POLR3B: variants seen among roughly 807,000 people sequenced by gnomAD.
POLR3B encodes the protein DNA-directed RNA polymerase III subunit RPC2.
A neutral mutation model predicts 147.4 loss-of-function variants in POLR3B; 96 were observed. The ratio of observed to expected loss-of-function variants is 0.65; its 90% confidence interval spans 0.55 to 0.77. The LOEUF (loss-of-function observed/expected upper bound fraction) is 0.77. Among genes scored for constraint, POLR3B ranks in the 30% least tolerant of loss-of-function variants. The pLI is 0.00. For missense variants in POLR3B, 1,036 were observed against 1,413.5 expected, an observed-to-expected ratio of 0.73 and a Z score of 4.28; for synonymous variants, 461 against 485.9, an observed-to-expected ratio of 0.95 and a Z score of 0.67.
At chr12:106,497,401 GC>G (rs568297057) in intron 25 of POLR3B, among the ~76,000 whole-genome samples, 18 of 152,056 alleles carry the variant, frequency 1.2e-4, no homozygotes, top group Non-Finnish European at 2.5e-4. Flanking sequence ...TTTTTGGTAG[GC>G]CAAAGCTGGT....
chr12:106,465,824 A>C (rs1026979316), intron 23 of POLR3B, among the ~76,000 whole-genome samples: 1 of 152,166 alleles, frequency 6.6e-6, no homozygotes, highest in Non-Finnish European at 1.5e-5. Flanking sequence ...AGTATTCCAT[A>C]CTGTATATGT....
At chr12:106,426,686 A>C (rs1340706793) in intron 12 of POLR3B, among the ~76,000 whole-genome samples, 1 of 152,178 alleles carries the variant, frequency 6.6e-6, no homozygotes, top group Non-Finnish European at 1.5e-5. Flanking sequence ...CTCCTGCAGC[A>C]GGTATAACTA....
intron 25 of POLR3B, among the ~76,000 whole-genome samples, chr12:106,498,691 T>G (rs2038542406): frequency 1.3e-5 from 2 of 151,532 alleles, no homozygotes; most frequent in Non-Finnish European, 2.9e-5. Context: ...GTTCAAGCAA[T>G]TCTCCTGCCT....
chr12:106,400,473 A>T (rs533326740), intron 10 of POLR3B, among the ~76,000 whole-genome samples: 3 of 152,218 alleles, frequency 2.0e-5, no homozygotes, highest in Non-Finnish European at 4.4e-5. Context: ...CACCAAGTGG[A>T]CCTAATAGAC....
At chr12:106,425,352 T>A (rs1291753337) in intron 12 of POLR3B, among the ~76,000 whole-genome samples, 1 of 152,176 alleles carries the variant, frequency 6.6e-6, no homozygotes, top group Non-Finnish European at 1.5e-5. Context: ...TTTCCTGGAA[T>A]CAGAGGATTT....
intron 19 of POLR3B, among the ~76,000 whole-genome samples, chr12:106,446,903 A>G (rs943569686): frequency 1.3e-5 from 2 of 152,172 alleles, no homozygotes; most frequent in African/African-American, 4.8e-5. Flanking sequence ...GTCTGCTTGA[A>G]AAATGACAAA....
At chr12:106,402,816 G>C (rs28826960) in intron 10 of POLR3B, among the ~76,000 whole-genome samples, 1 of 151,926 alleles carries the variant, frequency 6.6e-6, no homozygotes, top group East Asian at 1.9e-4. Context: ...ATTCCAGATG[G>C]ATTAAAGACT....
intron 10 of POLR3B, among the ~76,000 whole-genome samples, chr12:106,404,329 G>A (rs1471912969): frequency 1.3e-5 from 2 of 152,042 alleles, no homozygotes; most frequent in Non-Finnish European, 2.9e-5. Flanking sequence ...CTTACTTCAG[G>A]TGATCTGCCC....
At chr12:106,434,803 A>G (rs1193960143) in intron 16 of POLR3B, among the ~76,000 whole-genome samples, 1 of 152,108 alleles carries the variant, frequency 6.6e-6, no homozygotes, top group Non-Finnish European at 1.5e-5. Flanking sequence ...CCTCCTTCAT[A>G]TGACACTACC....
rs369576112 is a variant in POLR3B at position 106,509,412 on chromosome 12, C to T, written c.3273-8C>T. 3.7e-5 allele frequency: 59 copies of T among 1,613,372 alleles called. No homozygotes were observed. Among genetic ancestry groups the T allele is most frequent in the African/African-American group, 2.1e-4 (16 of 75,012 alleles). On this transcript the variant is annotated splice_polypyrimidine_tract_variant and splice_region_variant and intron_variant, in intron 27 of 27. Transcript: ENST00000228347. The stretch of plus-strand genomic sequence containing the variant: ...TGTCTGTCTAACGCTTGCTGACTTG[C>T]GTTTCAGGTGCCATTACTGCAAGTC...
intron 23 of POLR3B, among the ~76,000 whole-genome samples, chr12:106,484,712 C>T (rs1029471106): frequency 6.6e-5 from 10 of 151,276 alleles, no homozygotes; most frequent in African/African-American, 1.9e-4. Context: ...CTTTAGATTA[C>T]GATCAGGAAC....
intron 12 of POLR3B, among the ~76,000 whole-genome samples, chr12:106,422,214 T>C (rs960480218): frequency 6.6e-6 from 1 of 152,128 alleles, no homozygotes; most frequent in African/African-American, 2.4e-5. Context: ...ATCCTCCTAG[T>C]GCCATTTTCT....
At chr12:106,472,233 G>T (rs1162233273) in intron 23 of POLR3B, among the ~76,000 whole-genome samples, 253 of 147,620 alleles carry the variant, frequency 1.7e-3, no homozygotes, top group African/African-American at 6.1e-3. Flanking sequence ...TGGTGTATAT[G>T]TGCCACATTT....
At chr12:106,457,319 A>C in intron 21 of POLR3B, 23 bp downstream of exon 21, 2 of 1,586,502 alleles carry the variant, frequency 1.3e-6, no homozygotes, top group Non-Finnish European at 1.7e-6. Context: ...TAAAAGAAAA[A>C]ATTTTAATAC....
intron 23 of POLR3B, among the ~76,000 whole-genome samples, chr12:106,471,611 C>T (rs546084631): frequency 2.4e-4 from 36 of 152,160 alleles, no homozygotes; most frequent in South Asian, 4.2e-4. Context: ...CAGTCAGTCT[C>T]CACTAAACTT....
At chr12:106,454,083 A>T (rs1046844761) in intron 19 of POLR3B, among the ~76,000 whole-genome samples, 1 of 152,028 alleles carries the variant, frequency 6.6e-6, no homozygotes, top group African/African-American at 2.4e-5. Context: ...TTTTTATGGA[A>T]TATACCTGTT....
intron 10 of POLR3B, 134 bp from the exon 11 acceptor site, chr12:106,405,723 C>A (rs1393074834): frequency 7.3e-6 from 6 of 819,822 alleles, no homozygotes; most frequent in Non-Finnish European, 1.0e-5. Flanking sequence ...CGTTGATTTT[C>A]AACTAGACCC....
At position 106,504,362 on chromosome 12, in the gene POLR3B, T is replaced by A. The variant is rs1363987882; in HGVS notation, c.3272+108T>A. The A allele has an allele frequency of 1.1e-6, 1 of 884,914 alleles. No individual in the cohort carries two copies. Among genetic ancestry groups the A allele is most frequent in the Non-Finnish European group, 1.9e-6 (1 of 522,192 alleles). 54.8% of individuals were successfully genotyped at this position (884,914 alleles called of 1,614,324 possible). On this transcript the variant is annotated intron_variant, in intron 27 of 27. Transcript: ENST00000228347. This position sits in a 1 kb window ranked among gnomAD's most constrained non-coding sequence, Gnocchi z 4.6. Reference sequence around the variant, plus strand: ...CATATTCTCCAGCCTCTGTCTGTGATCACTAACATACCCTCCCTCATGCAT... The same window carrying A: ...CATATTCTCCAGCCTCTGTCTGTGAACACTAACATACCCTCCCTCATGCAT...
intron 19 of POLR3B, among the ~76,000 whole-genome samples, chr12:106,446,706 CT>C (rs2037730351): frequency 6.6e-6 from 1 of 152,122 alleles, no homozygotes; most frequent in African/African-American, 2.4e-5. Context: ...GACGTTACTG[CT>C]GACGCTAGGA....
Sources: allele counts gnomAD v4.1 joint callset (sites outside exome capture counted in the v4.1 genomes callset), GRCh38; gene constraint gnomAD v4.1.1; non-coding constraint Gnocchi (gnomAD v3.1); transcripts MANE v1.5; gene names NCBI Gene and HGNC (gene_info 2026-07-23, HGNC 2026-07-21).